PDZRN3: variants seen among roughly 807,000 people sequenced by gnomAD.
The protein encoded by PDZRN3 is E3 ubiquitin-protein ligase PDZRN3.
A neutral mutation model predicts 85.7 loss-of-function variants in PDZRN3; 38 were observed. The observed-to-expected ratio is 0.44, with a 90% CI of 0.34 to 0.58. PDZRN3 has a LOEUF of 0.58. PDZRN3 is among the 20% of genes least tolerant of loss of function. The probability of loss-of-function intolerance (pLI) is 0.01; values close to 1 mark genes in which losing one functional copy is unlikely to be tolerated. For synonymous variants in PDZRN3, 759 were observed against 638.0 expected, an observed-to-expected ratio of 1.19 and a Z score of -2.86; for missense variants, 1,629 against 1,506.4, an observed-to-expected ratio of 1.08 and a Z score of -1.35.
chr3:73,433,872 TC>T (rs1020376181), intron 3 of PDZRN3: 16 of 1,424,780 alleles, frequency 1.1e-5, no homozygotes, highest in Admixed American at 5.7e-5. Flanking sequence ...AACAACTCTC[TC>T]CCCCCTTCCA....
intron 3 of PDZRN3, among the ~76,000 whole-genome samples, chr3:73,490,180 T>C (rs1703744347): frequency 6.6e-6 from 1 of 152,176 alleles, no homozygotes; most frequent in South Asian, 2.1e-4. Flanking sequence ...GGCACACCTC[T>C]CCCTCTGAAA....
At chr3:73,425,083 C>T (rs919365586) in intron 3 of PDZRN3, among the ~76,000 whole-genome samples, 4 of 150,088 alleles carry the variant, frequency 2.7e-5, no homozygotes, top group Admixed American at 1.3e-4. Context: ...GGTATGATCT[C>T]GGCTCACTGC....
In PDZRN3 at chr3:73,453,406, A is replaced by C; in HGVS notation, c.919-49011T>G. On this transcript the variant is annotated intron_variant, in intron 3 of 9. Coordinates refer to ENST00000263666, the MANE Select transcript of PDZRN3 (RefSeq NM_015009.3). ...AGAGACAGAGTGAGACTTCGTCTCA[A>C]AAAAAAAAAAAAAAAAACAAAAAAA... 1.9e-5 allele frequency among the ~76,000 whole-genome samples: 2 copies of C among 105,018 alleles called. 1 individual carries two copies. The highest frequency in any genetic ancestry group is 7.8e-5 in the African/African-American group (2 of 25,596). 68.9% of individuals were successfully genotyped at this position (105,018 alleles called of 152,430 possible).
chr3:73,590,304 G>GA (rs1196070473), intron 3 of PDZRN3, among the ~76,000 whole-genome samples: 13 of 144,234 alleles, frequency 9.0e-5, no homozygotes, highest in African/African-American at 3.3e-4. Flanking sequence ...AATGAAAAAA[G>GA]AAAAAACGCA....
chr3:73,624,584 T>C lies in PDZRN3; in HGVS notation c.242A>G (p.Lys81Arg). Reference sequence around the variant, plus strand: ...GCAGCCGCGCGTCGCGTACGCGCACTTGATGTCCAGCTTGAGGATAAGGCG... The same window carrying C: ...GCAGCCGCGCGTCGCGTACGCGCACCTGATGTCCAGCTTGAGGATAAGGCG... ...LKRLILKLDI[K>R]CAYATRGCGR... Residue 81 changes from lysine (K) to arginine (R), a missense_variant, in exon 1 of 10, where the codon AAG (lysine) becomes AGG (arginine). Lys to Arg is a conservative substitution (Grantham distance 26). Transcript: ENST00000263666. 1.3e-6 allele frequency: 2 copies of C among 1,552,942 alleles called. No homozygotes were observed.
At chr3:73,606,794 GTTGTTTCTTATAATAAGCCATTGT>G (rs1702606158) in intron 2 of PDZRN3, among the ~76,000 whole-genome samples, 1 of 152,194 alleles carries the variant, frequency 6.6e-6, no homozygotes, top group Admixed American at 6.5e-5. Context: ...TAATTAAGTT[GTTGTTTCTTATAATAAGCCATTGT>G]TTGTTTCTTT....
intron 3 of PDZRN3, among the ~76,000 whole-genome samples, chr3:73,579,906 A>G (rs1342160316): frequency 6.6e-6 from 1 of 152,172 alleles, no homozygotes; most frequent in Non-Finnish European, 1.5e-5. Flanking sequence ...TCAGACCTAT[A>G]CAGAAAAATG....
At chr3:73,528,276 G>A (rs1233751652) in intron 3 of PDZRN3, among the ~76,000 whole-genome samples, 1 of 152,186 alleles carries the variant, frequency 6.6e-6, no homozygotes, top group African/African-American at 2.4e-5. Flanking sequence ...CTGACTATCT[G>A]TTATAACCTT....
In PDZRN3 at chr3:73,383,416, G is replaced by C. The variant is rs952795899; in HGVS notation, c.3150C>G (p.Ser1050=). ...AATTGTATACTCTAGTGCCGTCCGG[G>C]GATTTTGTGCCGTGGGTTAAGAGTT... ...IQELLTHGTK[S]PDGTRVYNSF... The change falls in exon 10 of 10, where the codon TCC becomes TCG. Residue 1050 remains serine, a synonymous_variant. Transcript: ENST00000263666. 6.2e-7 allele frequency: 1 copy of C among 1,614,048 alleles called. No homozygotes were observed. Among genetic ancestry groups the C allele is most frequent in the Non-Finnish European group, 8.5e-7 (1 of 1,179,954 alleles).
chr3:73,520,483 C>G lies in PDZRN3; in HGVS notation c.918+81871G>C, dbSNP rs112676676. On this transcript the variant is annotated intron_variant, in intron 3 of 9. Transcript: ENST00000263666. ...CCCACCACTGCATGTTCCCGCCCAG[C>G]CAACAGAGCAAGACCCTGTGACAAC... Among the ~76,000 whole-genome samples the G allele has an allele frequency of 1.2e-4, 19 of 152,196 alleles. 1 individual carries two copies. Among genetic ancestry groups the G allele is most frequent in the African/African-American group, 3.9e-4 (16 of 41,516 alleles).
intron 3 of PDZRN3, among the ~76,000 whole-genome samples, chr3:73,475,220 A>C (rs955073275): frequency 6.6e-6 from 1 of 152,188 alleles, no homozygotes; most frequent in Non-Finnish European, 1.5e-5. Context: ...TTAACCAAGA[A>C]GACCCTGCAA....
intron 4 of PDZRN3, chr3:73,402,592 GTCTT>G (rs1328927547): frequency 6.6e-6 from 1 of 152,270 alleles, no homozygotes; most frequent in Non-Finnish European, 1.5e-5. Context: ...CCTGTCCTCT[GTCTT>G]TATGCTACCA....
chr3:73,408,941 C>A (rs1056455642), intron 3 of PDZRN3, among the ~76,000 whole-genome samples: 16 of 152,112 alleles, frequency 1.1e-4, no homozygotes, highest in African/African-American at 3.6e-4. Flanking sequence ...ACGGGATGCA[C>A]CCAGTGACGT....
At chr3:73,612,794 T>C (rs1702703247) in intron 1 of PDZRN3, among the ~76,000 whole-genome samples, 1 of 152,196 alleles carries the variant, frequency 6.6e-6, no homozygotes, top group African/African-American at 2.4e-5. Flanking sequence ...AGAAAGGGAA[T>C]GATAATGGTT....
At chr3:73,496,979 C>T (rs1382693332) in intron 3 of PDZRN3, among the ~76,000 whole-genome samples, 4 of 152,166 alleles carry the variant, frequency 2.6e-5, no homozygotes, top group South Asian at 2.1e-4. Flanking sequence ...GAGATTCGCA[C>T]GTGTGCTGAT....
intron 3 of PDZRN3, among the ~76,000 whole-genome samples, chr3:73,414,613 A>T (rs1437748514): frequency 6.6e-6 from 1 of 152,214 alleles, no homozygotes; most frequent in Non-Finnish European, 1.5e-5. Flanking sequence ...GTTGATATTA[A>T]ACCATGGTTT....
At chr3:73,543,955 G>A (rs531345333) in intron 3 of PDZRN3, among the ~76,000 whole-genome samples, 6 of 152,340 alleles carry the variant, frequency 3.9e-5, no homozygotes, top group East Asian at 1.9e-4. Context: ...GGTGGTTGAC[G>A]CTTCTATTCC....
chr3:73,472,399 G>T (rs1403122600), intron 3 of PDZRN3, among the ~76,000 whole-genome samples: 4 of 152,178 alleles, frequency 2.6e-5, no homozygotes, highest in Non-Finnish European at 5.9e-5. Flanking sequence ...ACACGTTGCT[G>T]GGTGTTCCTT....
intron 3 of PDZRN3, among the ~76,000 whole-genome samples, chr3:73,422,164 A>T (rs1464680031): frequency 6.6e-6 from 1 of 152,248 alleles, no homozygotes; most frequent in Non-Finnish European, 1.5e-5. Context: ...ACACTGGAAC[A>T]TTCCTCCAGA....
Sources: gnomAD v4.1 joint callset for allele counts (sites outside exome capture counted in the v4.1 genomes callset) on GRCh38, gnomAD v4.1.1 for gene constraint, MANE v1.5 for transcripts, NCBI Gene and HGNC (gene_info 2026-07-23, HGNC 2026-07-21) for gene names.